Variants in OR9Q1 observed in about 807,000 individuals in gnomAD.
OR9Q1 encodes the protein olfactory receptor 9Q1.
For missense variants in OR9Q1, 374 were observed against 378.8 expected (o/e 0.99, Z 0.11); for synonymous variants, 153 against 148.6 (o/e 1.03, Z -0.22).
At chr11:58,043,438 T>C (rs1170064509) in intron 1 of OR9Q1, among the ~76,000 whole-genome samples, 1 of 152,178 alleles carries the variant, frequency 6.6e-6, no homozygotes, top group Non-Finnish European at 1.5e-5. Context: ...GAAATACACA[T>C]TGCTTTTATA....
intron 2 of OR9Q1, among the ~76,000 whole-genome samples, chr11:58,158,845 A>G (rs1854432484): frequency 6.6e-6 from 1 of 152,220 alleles, no homozygotes; most frequent in South Asian, 2.1e-4. Flanking sequence ...TTGCAAAGGA[A>G]TCAATTCTTC....
chr11:58,127,819 G>A (rs2119833399), intron 2 of OR9Q1, among the ~76,000 whole-genome samples: 1 of 152,284 alleles, frequency 6.6e-6, no homozygotes, highest in Non-Finnish European at 1.5e-5. Context: ...GAGGAAGAAA[G>A]GAAGACTGAG....
At chr11:58,178,310 T>G (rs373987736) in intron 2 of OR9Q1, among the ~76,000 whole-genome samples, 2 of 152,322 alleles carry the variant, frequency 1.3e-5, no homozygotes, top group East Asian at 3.9e-4. Flanking sequence ...TTACTCTGAT[T>G]TGATCTTTAC....
At chr11:58,095,719 C>T (rs1262670513) in intron 2 of OR9Q1, among the ~76,000 whole-genome samples, 2 of 152,140 alleles carry the variant, frequency 1.3e-5, no homozygotes, top group African/African-American at 4.8e-5. Flanking sequence ...CACCTTGTCC[C>T]TCCCATGGCG....
At chr11:58,118,998 A>T in intron 2 of OR9Q1, 1 of 1,613,928 alleles carries the variant, frequency 6.2e-7, no homozygotes, top group Non-Finnish European at 8.5e-7. Context: ...CCCCACAGAC[A>T]TAGGCTCCTA....
chr11:58,140,387 C>T (rs904790930), intron 2 of OR9Q1, among the ~76,000 whole-genome samples: 2 of 152,122 alleles, frequency 1.3e-5, no homozygotes, highest in Non-Finnish European at 1.5e-5. Flanking sequence ...ATGGTATTGC[C>T]TAGGTTTTCT....
rs11229273 is a variant in OR9Q1, at chr11:58,179,792, C to A, written c.348C>A (p.Ala116=). The A allele has an allele frequency of 6.2e-6, 10 of 1,613,966 alleles. No homozygotes were observed. The highest frequency in any genetic ancestry group is 7.6e-6 in the Non-Finnish European group (9 of 1,179,962). Residue 116 remains alanine, a synonymous_variant, in exon 3 of 3, where the codon GCC becomes GCA. Coordinates refer to ENST00000335397, the MANE Select transcript of OR9Q1 (RefSeq NM_001005212.4). ...FFGSIDCYLL[A]LMAYDRYLAV... ...GTTCCATCGACTGCTACCTCTTGGCCCTCATGGCCTATGACCGCTACTTGG... is the reference window on the plus strand; with the variant it reads ...GTTCCATCGACTGCTACCTCTTGGCACTCATGGCCTATGACCGCTACTTGG...
chr11:58,093,726 C>A (rs961567730), intron 2 of OR9Q1, among the ~76,000 whole-genome samples: 1 of 136,028 alleles, frequency 7.4e-6, no homozygotes, highest in African/African-American at 2.8e-5. Context: ...CACCATTGCA[C>A]TCCAGCCTGG....
chr11:58,027,770 TTC>T (rs1411291858), intron 1 of OR9Q1, among the ~76,000 whole-genome samples: 1 of 152,204 alleles, frequency 6.6e-6, no homozygotes, highest in Non-Finnish European at 1.5e-5. Flanking sequence ...CCCTCTCTCC[TTC>T]TCTCTTATAT....
intron 1 of OR9Q1, among the ~76,000 whole-genome samples, chr11:58,032,963 A>G (rs1042336843): frequency 6.6e-6 from 1 of 152,186 alleles, no homozygotes; most frequent in Non-Finnish European, 1.5e-5. Flanking sequence ...ACAGACACTT[A>G]TCAAAAGAAG....
chr11:58,094,138 C>T (rs1853709548), intron 2 of OR9Q1, among the ~76,000 whole-genome samples: 1 of 152,116 alleles, frequency 6.6e-6, no homozygotes, highest in African/African-American at 2.4e-5. Flanking sequence ...ATGTCTTTTG[C>T]AGTGACATGG....
At chr11:58,025,410 C>A (rs567096012) in intron 1 of OR9Q1, among the ~76,000 whole-genome samples, 1 of 152,324 alleles carries the variant, frequency 6.6e-6, no homozygotes, top group South Asian at 2.1e-4. Context: ...CCGTGTTGGC[C>A]AGGATGGTCT....
intron 2 of OR9Q1, among the ~76,000 whole-genome samples, chr11:58,154,105 G>GAAGGAGGAGGGGGAAGGAC (rs1565092029): frequency 5.8e-4 from 88 of 150,772 alleles, no homozygotes; most frequent in Non-Finnish European, 7.7e-4. Flanking sequence ...AAGGGGAGGA[G>GAAGGAGGAGGGGGAAGGAC]GAAGGAGGAG....
chr11:58,079,654 T>C (rs1853570721), intron 2 of OR9Q1, among the ~76,000 whole-genome samples: 1 of 152,174 alleles, frequency 6.6e-6, no homozygotes, highest in African/African-American at 2.4e-5. Flanking sequence ...TGTTTTTGCA[T>C]TTTTGGAATC....
intron 2 of OR9Q1, among the ~76,000 whole-genome samples, chr11:58,112,826 T>C (rs1432077913): frequency 1.3e-5 from 2 of 152,160 alleles, no homozygotes; most frequent in African/African-American, 4.8e-5. Flanking sequence ...GAGTGACTTG[T>C]TTTTCCAGTG....
intron 1 of OR9Q1, among the ~76,000 whole-genome samples, chr11:58,055,649 A>G (rs1017682632): frequency 3.9e-5 from 6 of 151,976 alleles, no homozygotes; most frequent in African/African-American, 1.5e-4. Context: ...AAATACAAAA[A>G]TGTAGCCAGG....
intron 2 of OR9Q1, among the ~76,000 whole-genome samples, chr11:58,101,987 C>G (rs1244902596): frequency 1.3e-5 from 2 of 152,108 alleles, no homozygotes; most frequent in African/African-American, 2.4e-5. Flanking sequence ...CTCAGGTGAT[C>G]CACCCCCCTT....
In OR9Q1 at chr11:58,181,523, A is replaced by G. The variant is rs1445085431; in HGVS notation, c.*1146A>G. On this transcript the variant is annotated 3_prime_UTR_variant, in exon 3 of 3. Coordinates refer to ENST00000335397, the MANE Select transcript of OR9Q1 (RefSeq NM_001005212.4). ...TTTTTTTTCATTTAAACAAATTTTT[A>G]TACCTGGAACTCAAACTTCTTTTCC... 6.1e-6 allele frequency: 1 copy of G among 164,410 alleles called. No homozygotes were observed. The highest frequency in any genetic ancestry group is 2.4e-5 in the African/African-American group (1 of 40,842). The allele number at this position is 164,410 out of a possible 1,614,324, so 10.2% of individuals were successfully genotyped here.
chr11:58,048,374 A>G (rs979971667), intron 1 of OR9Q1, among the ~76,000 whole-genome samples: 1 of 152,130 alleles, frequency 6.6e-6, no homozygotes, highest in Middle Eastern at 3.2e-3. Flanking sequence ...TGATTATTTC[A>G]ATATATCAAT....
Sources: allele counts gnomAD v4.1 joint callset (sites outside exome capture counted in the v4.1 genomes callset), GRCh38; gene constraint gnomAD v4.1.1; transcripts MANE v1.5; gene names NCBI Gene and HGNC (gene_info 2026-07-23, HGNC 2026-07-21).